The following ROBO2 variants were observed in gnomAD, a reference collection of about 807,000 sequenced individuals.
ROBO2 encodes the protein roundabout homolog 2.
A neutral mutation model predicts 160.8 loss-of-function variants in ROBO2; 53 were observed. The observed-to-expected ratio is 0.33, with a 90% CI of 0.26 to 0.41. The LOEUF is 0.41. Among genes scored for constraint, ROBO2 ranks in the 10% least tolerant of loss-of-function variants. ROBO2 has a pLI of 1.00. For missense variants in ROBO2, 1,577 were observed against 1,722.4 expected, an observed-to-expected ratio of 0.92 and a Z score of 1.49; for synonymous variants, 664 against 611.7, an observed-to-expected ratio of 1.09 and a Z score of -1.26.
chr3:76,285,365 G>A (rs1708457186), intron 2 of ROBO2, among the ~76,000 whole-genome samples: 1 of 151,970 alleles, frequency 6.6e-6, no homozygotes. Context: ...TAAAATTTTA[G>A]ATTAACAGTA....
intron 2 of ROBO2, among the ~76,000 whole-genome samples, chr3:76,438,975 GT>G (rs970755995): frequency 6.0e-5 from 9 of 151,230 alleles, no homozygotes; most frequent in South Asian, 2.1e-4. Context: ...CAGGATTTGG[GT>G]TTTTTTTTAC....
chr3:77,512,961 T>C (rs1321086318), intron 5 of ROBO2, among the ~76,000 whole-genome samples: 1 of 151,894 alleles, frequency 6.6e-6, no homozygotes, highest in African/African-American at 2.4e-5. Flanking sequence ...TGTTCTAGAA[T>C]TGGAGCCAGA....
chr3:77,115,925 C>T (rs1050953286), intron 2 of ROBO2, among the ~76,000 whole-genome samples: 1 of 152,136 alleles, frequency 6.6e-6, no homozygotes, highest in Non-Finnish European at 1.5e-5. Flanking sequence ...GACATCATGA[C>T]CCTGACCCCT....
intron 2 of ROBO2, among the ~76,000 whole-genome samples, chr3:76,165,962 G>C (rs942791991): frequency 6.6e-6 from 1 of 151,942 alleles, no homozygotes; most frequent in Admixed American, 6.6e-5. Flanking sequence ...GAGTGGTTTG[G>C]GGCATTCCCA....
chr3:75,962,271 A>G (rs1198827757), intron 2 of ROBO2, among the ~76,000 whole-genome samples: 3 of 151,806 alleles, frequency 2.0e-5, no homozygotes, highest in African/African-American at 7.2e-5. Flanking sequence ...ATGGGATAGC[A>G]CATCCAAAGT....
At chr3:77,555,892 G>C (rs2093100964) in intron 8 of ROBO2, among the ~76,000 whole-genome samples, 1 of 151,666 alleles carries the variant, frequency 6.6e-6, no homozygotes, top group African/African-American at 2.4e-5. Context: ...GTCTGGCCAG[G>C]AGATTTTCAA....
intron 2 of ROBO2, among the ~76,000 whole-genome samples, chr3:76,904,337 G>A (rs770645330): frequency 3.9e-5 from 6 of 152,098 alleles, no homozygotes; most frequent in Non-Finnish European, 8.8e-5. Context: ...AGAAAAAGCT[G>A]TTCTTCAGAT....
At chr3:76,333,236 G>T (rs987529237) in intron 2 of ROBO2, among the ~76,000 whole-genome samples, 21 of 152,264 alleles carry the variant, frequency 1.4e-4, no homozygotes, top group Non-Finnish European at 2.2e-4. Flanking sequence ...CATGCTACCT[G>T]CCCGAGAAGG....
chr3:75,944,824 T>C (rs1948209121), intron 2 of ROBO2, among the ~76,000 whole-genome samples: 1 of 152,182 alleles, frequency 6.6e-6, no homozygotes, highest in Admixed American at 6.5e-5. Context: ...CTTTTTCTTA[T>C]GGTAACTTCT....
At chr3:76,829,655 CTTTCTTTTTT>C (rs1269992852) in intron 2 of ROBO2, among the ~76,000 whole-genome samples, 2 of 148,684 alleles carry the variant, frequency 1.3e-5, no homozygotes, top group African/African-American at 2.5e-5. Flanking sequence ...CTTTCCTTTT[CTTTCTTTTTT>C]TTTCTTTTTC....
chr3:77,318,133 C>T (rs973100328), intron 2 of ROBO2, among the ~76,000 whole-genome samples: 8 of 151,908 alleles, frequency 5.3e-5, no homozygotes. Context: ...CTGCAACCTC[C>T]GCCTCCCGAG....
At chr3:76,142,648 G>T (rs1466999406) in intron 2 of ROBO2, among the ~76,000 whole-genome samples, 1 of 151,882 alleles carries the variant, frequency 6.6e-6, no homozygotes, top group Non-Finnish European at 1.5e-5. Flanking sequence ...GTAGAAGGAT[G>T]GTTACCAGAG....
intron 2 of ROBO2, among the ~76,000 whole-genome samples, chr3:76,241,438 G>A (rs1363183870): frequency 6.6e-6 from 1 of 152,216 alleles, no homozygotes; most frequent in Admixed American, 6.5e-5. Context: ...AGATATAGCA[G>A]AGAACAGAAC....
intron 2 of ROBO2, among the ~76,000 whole-genome samples, chr3:77,253,595 G>C (rs189922968): frequency 2.0e-5 from 3 of 152,232 alleles, no homozygotes; most frequent in Non-Finnish European, 4.4e-5. Context: ...TTGGGCAATG[G>C]AAATCATATG....
At chr3:76,804,447 A>G (rs1481260541) in intron 2 of ROBO2, among the ~76,000 whole-genome samples, 1 of 152,210 alleles carries the variant, frequency 6.6e-6, no homozygotes, top group Non-Finnish European at 1.5e-5. Context: ...CTGAGAAACG[A>G]TGTCATAAAT....
chr3:77,098,857 A>G (rs1351986156), intron 2 of ROBO2, among the ~76,000 whole-genome samples: 1 of 124,768 alleles, frequency 8.0e-6, no homozygotes, highest in Non-Finnish European at 1.5e-5. Flanking sequence ...CTCCGTCTCA[A>G]AAAAACAAAC....
chr3:76,190,558 TA>T (rs911056639), intron 2 of ROBO2, among the ~76,000 whole-genome samples: 1 of 152,120 alleles, frequency 6.6e-6, no homozygotes, highest in Non-Finnish European at 1.5e-5. Flanking sequence ...TATGTAGTTC[TA>T]AAAGCTTAGA....
At chr3:76,409,971 C>A (rs1001055576) in intron 2 of ROBO2, among the ~76,000 whole-genome samples, 1 of 152,064 alleles carries the variant, frequency 6.6e-6, no homozygotes, top group Non-Finnish European at 1.5e-5. Flanking sequence ...CATTTTATAT[C>A]AATTTCTGAG....
intron 2 of ROBO2, among the ~76,000 whole-genome samples, chr3:77,349,931 G>C (rs1240889546): frequency 6.6e-6 from 1 of 151,892 alleles, no homozygotes; most frequent in African/African-American, 2.4e-5. Context: ...CAGCAGTCTG[G>C]TCCCGATGTT....
Sources: allele counts gnomAD v4.1 joint callset (sites outside exome capture counted in the v4.1 genomes callset), GRCh38; gene constraint gnomAD v4.1.1; transcripts MANE v1.5; gene names NCBI Gene and HGNC (gene_info 2026-07-23, HGNC 2026-07-21).